MORC2: variants seen among roughly 807,000 people sequenced by gnomAD.
The protein encoded by MORC2 is MORC family CW-type zinc finger 2.
Under a neutral mutation model 136.0 loss-of-function variants are expected in MORC2, and 30 were observed. The ratio of observed to expected loss-of-function variants is 0.22; its 90% CI spans 0.17 to 0.30. MORC2 has a LOEUF of 0.30. Among genes scored for constraint, MORC2 ranks in the 10% least tolerant of loss-of-function variants. The probability of loss-of-function intolerance (pLI) is 1.00; values close to 1 mark genes in which losing one functional copy is unlikely to be tolerated. For missense variants in MORC2, 922 were observed against 1,333.1 expected, an observed-to-expected ratio of 0.69 and a Z score of 4.80; for synonymous variants, 439 against 487.0, an observed-to-expected ratio of 0.90 and a Z score of 1.30.
Position 30,941,723 on chromosome 22 carries a change from T to C in MORC2, c.699-165A>G, listed in dbSNP as rs2040744725. Among the ~76,000 whole-genome samples, 1 of 151,950 alleles carries C rather than the reference T, an allele frequency of 6.6e-6. No individual in the cohort carries two copies. Among genetic ancestry groups the C allele is most frequent in the East Asian group, 1.9e-4 (1 of 5,158 alleles). The stretch of plus-strand genomic sequence containing the variant: ...TAGTGTGAGCACCACATCCCGCCCC[T>C]CTCACGTCCTCAGCACAGGCACCCC... On this transcript the variant is annotated intron_variant, in intron 8 of 25. Transcript: ENST00000397641. The surrounding 1 kb of genome is among the most constrained non-coding windows in gnomAD (Gnocchi z 4.6).
chr22:30,956,876 T>C (rs1353125947), intron 2 of MORC2, 79 bp from the exon 3 acceptor site: 5 of 1,183,036 alleles, frequency 4.2e-6, no homozygotes, highest in Non-Finnish European at 6.0e-6. Context: ...TTGAGTAGAA[T>C]GCAGAGTATT....
At chr22:30,933,407 C>G (rs1278771623) in intron 21 of MORC2, 59 bp downstream of exon 21, 1 of 1,577,852 alleles carries the variant, frequency 6.3e-7, no homozygotes, top group Non-Finnish European at 8.7e-7. Context: ...GTAAGGGGCT[C>G]CACTTCCACT....
In MORC2 at chr22:30,935,030, G is replaced by A. The variant is rs2040632049; in HGVS notation, c.1944C>T (p.Ser648=). ...ASQPRKAPVI[S]STPKLPALAA... ...CCAAAGCAGGGAGCTTTGGGGTACT[G>A]CTGATGACAGGAGCCTTTCGGGGCT... The change falls in exon 19 of 26, where the codon AGC becomes AGT. Residue 648 remains serine, a synonymous_variant. Transcript: ENST00000397641. 1 of 1,613,980 alleles carries A rather than the reference G, an allele frequency of 6.2e-7. No individual in the cohort carries two copies. The highest frequency in any genetic ancestry group is 1.3e-5 in the African/African-American group (1 of 74,874).
At chr22:30,957,693 T>C (rs1421044963) in intron 2 of MORC2, among the ~76,000 whole-genome samples, 1 of 152,192 alleles carries the variant, frequency 6.6e-6, no homozygotes, top group African/African-American at 2.4e-5. Context: ...ACAGTTCCAT[T>C]AACCTACAAC....
chr22:30,958,945 T>C (rs187236080), intron 1 of MORC2: 80 of 412,778 alleles, frequency 1.9e-4, no homozygotes, highest in Admixed American at 5.7e-4. Flanking sequence ...CCCTGAAGCA[T>C]TGAAAGAGTC....
intron 3 of MORC2, among the ~76,000 whole-genome samples, chr22:30,951,559 G>A (rs988381247): frequency 6.6e-6 from 1 of 152,328 alleles, no homozygotes; most frequent in Non-Finnish European, 1.5e-5. Context: ...ACTGGCACAG[G>A]GATAAAGGTA....
chr22:30,949,863 GA>G, intron 4 of MORC2, 21 bp from the exon 5 acceptor site: 3 of 1,611,794 alleles, frequency 1.9e-6, no homozygotes, highest in Non-Finnish European at 2.5e-6. Flanking sequence ...AGACACAAGA[GA>G]AAGTGAAAAG....
At position 30,931,230 on chromosome 22, in the gene MORC2, T is replaced by C. The variant is rs116077515; in HGVS notation, c.2841+1129A>G. Among the ~76,000 whole-genome samples, 1,038 of 152,328 alleles carry C rather than the reference T, an allele frequency of 6.8e-3. 12 individuals carry two copies. The highest frequency in any genetic ancestry group is 0.024 in the African/African-American group (984 of 41,582). ...GGAAGGGGCAGCAGATTACAGCCCC[T>C]GGGCCGAATCAGCCTGCCAAGTGTT... is the stretch of plus-strand genomic sequence containing the variant. On this transcript the variant is annotated intron_variant, in intron 24 of 25. Transcript: ENST00000397641.
rs767360287 is a variant in MORC2, at chr22:30,932,315, T to G, written c.2841+44A>C. 4.8e-6 allele frequency: 7 copies of G among 1,443,968 alleles called. No homozygotes were observed. The highest frequency in any genetic ancestry group is 6.7e-6 in the Non-Finnish European group (7 of 1,038,074). The allele number at this position is 1,443,968 out of a possible 1,614,324, so 89.4% of individuals were successfully genotyped here. A position where few individuals can be genotyped will look rare whatever the true frequency, so the allele number is the denominator to read the frequency against. ...GTTACAACAAATGCAGGGGCAGGGG[T>G]GGGGGAATGAAGAGTGTGGAATCGA... On this transcript the variant is annotated intron_variant, in intron 24 of 25. Transcript: ENST00000397641. This position sits in a 1 kb window ranked among gnomAD's most constrained non-coding sequence, Gnocchi z 4.4.
At chr22:30,962,686 T>C (rs888828169) in intron 1 of MORC2, among the ~76,000 whole-genome samples, 4 of 151,872 alleles carry the variant, frequency 2.6e-5, no homozygotes, top group Non-Finnish European at 4.4e-5. Flanking sequence ...AAGCTAACAG[T>C]AGCCTTTACA....
intron 6 of MORC2, among the ~76,000 whole-genome samples, chr22:30,946,101 T>C (rs866433758): frequency 1.2e-4 from 18 of 152,206 alleles, no homozygotes; most frequent in African/African-American, 3.9e-4. Flanking sequence ...CTTGACAGTC[T>C]CATTCTCGGA....
chr22:30,952,823 T>G (rs1418584870), intron 3 of MORC2, among the ~76,000 whole-genome samples: 1 of 152,242 alleles, frequency 6.6e-6, no homozygotes, highest in East Asian at 1.9e-4. Flanking sequence ...TCATGGAGCT[T>G]ACATCTAATG....
Position 30,928,188 on chromosome 22 carries a change from T to C in MORC2, c.2861A>G (p.Tyr954Cys). 1 of 1,614,072 alleles carries C rather than the reference T, an allele frequency of 6.2e-7. No homozygotes were observed. Among genetic ancestry groups the C allele is most frequent in the Non-Finnish European group, 8.5e-7 (1 of 1,179,994 alleles). Residue 954 changes from tyrosine to cysteine, a missense_variant, in exon 25 of 26, where the codon TAT becomes TGT. Physicochemically the swap from Tyr to Cys is radical, Grantham distance 194. Around this residue, in one of 9 missense-constraint regions of MORC2, gnomAD observed 263 missense variants for 388.3 expected, o/e 0.68. Transcript: ENST00000397641. ...SFPLKEYFKQ[Y>C]EVGLQNLCNS... ...GCACAGGTTTTGGAGCCCTACTTCA[T>C]ATTGCTTGAAGTACTCCTTCTGTTG...
In MORC2 at chr22:30,933,000, T is replaced by C. The variant is rs759734334; in HGVS notation, c.2411A>G (p.Asn804Ser). The C allele has an allele frequency of 3.5e-5, 57 of 1,614,010 alleles. No homozygotes were observed. The highest frequency in any genetic ancestry group is 4.7e-5 in the Non-Finnish European group (56 of 1,180,028). ...DKGLHVEVRV[N>S]REWYTGRVTA... ...GACACGGCCCGTGTACCACTCCCTG[T>C]TCACACGCACCTCCACGTGCAGCCC... Residue 804 changes from asparagine to serine, a missense_variant, in exon 22 of 26, where the codon AAC becomes AGC. By Grantham distance (46) the Asn-to-Ser change is conservative. Transcript: ENST00000397641. This position sits in a 1 kb window ranked among gnomAD's most constrained non-coding sequence, Gnocchi z 4.4.
chr22:30,961,652 T>A (rs1242428738), intron 1 of MORC2, among the ~76,000 whole-genome samples: 1 of 152,188 alleles, frequency 6.6e-6, no homozygotes, highest in African/African-American at 2.4e-5. Flanking sequence ...TGAGACCACA[T>A]CTTGCATCAG....
intron 21 of MORC2, 101 bp from the exon 22 acceptor site, chr22:30,933,131 G>A: frequency 6.6e-7 from 1 of 1,504,070 alleles, no homozygotes; most frequent in South Asian, 1.2e-5. Context: ...TTGGAGGACA[G>A]GAACACTTAG....
chr22:30,931,946 T>G (rs1321548925), intron 24 of MORC2, among the ~76,000 whole-genome samples: 1 of 152,246 alleles, frequency 6.6e-6, no homozygotes, highest in African/African-American at 2.4e-5. Context: ...ACATCACAAG[T>G]TTCTCTATAC....
chr22:30,933,543 G>C (rs1367638038), intron 20 of MORC2, 23 bp from the exon 21 acceptor site: 1 of 1,612,574 alleles, frequency 6.2e-7, no homozygotes, highest in Admixed American at 1.7e-5. Flanking sequence ...CAGTCTATTA[G>C]AGGCATCCCC....
intron 5 of MORC2, among the ~76,000 whole-genome samples, chr22:30,948,957 C>T (rs1468966395): frequency 1.3e-5 from 2 of 152,186 alleles, no homozygotes; most frequent in African/African-American, 4.8e-5. Flanking sequence ...AGCACAACTG[C>T]ACACAAGGCC....
Sources: allele counts gnomAD v4.1 joint callset (sites outside exome capture counted in the v4.1 genomes callset), GRCh38; gene constraint gnomAD v4.1.1; regional missense constraint gnomAD v4.1.1; non-coding constraint Gnocchi (gnomAD v3.1); transcripts MANE v1.5; gene names NCBI Gene and HGNC (gene_info 2026-07-23, HGNC 2026-07-21).